The following NME8 variants were observed in gnomAD, a reference collection of about 807,000 sequenced individuals.
NME8 encodes NME/NM23 family member 8.
A neutral mutation model predicts 82.3 loss-of-function variants in NME8; 72 were observed. That is an observed-to-expected ratio of 0.87 (90% CI 0.72 to 1.06). The LOEUF (loss-of-function observed/expected upper bound fraction) is 1.06. Ranked by LOEUF, NME8 falls within the 50% of genes least tolerant of loss-of-function variation. NME8 has a pLI of 0.00. For missense variants in NME8, 712 were observed against 685.4 expected (o/e 1.04, Z -0.43); for synonymous variants, 267 against 228.5 (o/e 1.17, Z -1.52).
intron 14 of NME8, among the ~76,000 whole-genome samples, chr7:37,886,305 C>T (rs1195542794): frequency 6.6e-6 from 1 of 152,212 alleles, no homozygotes; most frequent in Non-Finnish European, 1.5e-5. Flanking sequence ...CCAGTAGGCA[C>T]ACTGGTCTAG....
chr7:37,861,924 T>G, intron 6 of NME8, 104 bp from the exon 7 acceptor site: 28 of 797,498 alleles, frequency 3.5e-5, no homozygotes, highest in Non-Finnish European at 5.7e-5. Flanking sequence ...TTCATGAGGA[T>G]GAGAGTAGGG....
At chr7:37,884,265 A>G (rs777094439) in intron 12 of NME8, 38 bp from the exon 13 acceptor site, 2 of 1,343,862 alleles carry the variant, frequency 1.5e-6, no homozygotes, top group Non-Finnish European at 2.1e-6. Context: ...CCAGTAATCT[A>G]CCAGTTTAAA....
At position 37,882,629 on chromosome 7, in the gene NME8, A is replaced by AAG. The variant is rs758352816; in HGVS notation, c.995-1672_995-1671dup. Among the ~76,000 whole-genome samples, 5 of 125,642 alleles carry AAG rather than the reference A, an allele frequency of 4.0e-5. 1 individual carries two copies. Among genetic ancestry groups the AAG allele is most frequent in the East Asian group, 4.4e-4 (2 of 4,590 alleles). 82.4% of individuals were successfully genotyped at this position (125,642 alleles called of 152,430 possible). A position where few individuals can be genotyped will look rare whatever the true frequency, so the allele number is the denominator to read the frequency against. ...AGAGAGAGAGAGAAAGAAAGAAAGA[A>AAG]AGAAAGAAAGAAAGAGAAAGAAAGA... On this transcript the variant is annotated intron_variant, in intron 12 of 17. Coordinates refer to ENST00000199447, the MANE Select transcript of NME8 (RefSeq NM_016616.5).
intron 7 of NME8, among the ~76,000 whole-genome samples, chr7:37,862,996 T>G (rs1214845342): frequency 6.6e-6 from 1 of 152,060 alleles, no homozygotes; most frequent in African/African-American, 2.4e-5. Flanking sequence ...GGCAGGTGCC[T>G]GTAATCCCAG....
chr7:37,864,709 A>G (rs1166320762), intron 9 of NME8, among the ~76,000 whole-genome samples: 3 of 152,194 alleles, frequency 2.0e-5, no homozygotes, highest in Non-Finnish European at 2.9e-5. Flanking sequence ...ATAAAGATGT[A>G]TCTGAGACTG....
intron 6 of NME8, among the ~76,000 whole-genome samples, chr7:37,857,904 A>G (rs1784536387): frequency 6.6e-6 from 1 of 152,324 alleles, no homozygotes; most frequent in East Asian, 1.9e-4. Context: ...CAACTTTAAT[A>G]ATCAGACAGA....
chr7:37,891,733 G>C (rs1785131941), intron 15 of NME8, among the ~76,000 whole-genome samples: 1 of 151,782 alleles, frequency 6.6e-6, no homozygotes, highest in African/African-American at 2.4e-5. Flanking sequence ...TATCACTAGA[G>C]ACAGAAACTA....
In NME8 at chr7:37,875,535, G is replaced by A. The variant is rs73691365; in HGVS notation, c.819-1297G>A. On this transcript the variant is annotated intron_variant, in intron 11 of 17. Transcript: ENST00000199447. ...ACCTAGATGAAGGGTGTAAATGGGAGTTCTTTGTCCTAGTCTTGCAACTTT... is the reference window on the plus strand; with the variant it reads ...ACCTAGATGAAGGGTGTAAATGGGAATTCTTTGTCCTAGTCTTGCAACTTT... 7.8e-3 allele frequency among the ~76,000 whole-genome samples: 1,184 copies of A among 151,728 alleles called. 14 individuals are homozygous for A. Among genetic ancestry groups the A allele is most frequent in the African/African-American group, 0.027 (1,118 of 41,356 alleles).
At chr7:37,877,513 T>C (rs1296888104) in intron 12 of NME8, among the ~76,000 whole-genome samples, 2 of 152,348 alleles carry the variant, frequency 1.3e-5, no homozygotes, top group African/African-American at 4.8e-5. Context: ...ACACTATTCA[T>C]TCTTTTTTTA....
chr7:37,870,911 C>A (rs1304014191), intron 11 of NME8, among the ~76,000 whole-genome samples: 1 of 152,178 alleles, frequency 6.6e-6, no homozygotes, highest in Non-Finnish European at 1.5e-5. Flanking sequence ...GGAGGGAGGG[C>A]CTGATAGGCA....
At chr7:37,863,363 G>T in intron 7 of NME8, 33 bp from the exon 8 acceptor site, 1 of 1,257,398 alleles carries the variant, frequency 8.0e-7, no homozygotes. Flanking sequence ...AAACATAACT[G>T]TGTTATCTTT....
At chr7:37,855,150 C>A (rs1469742543) in intron 5 of NME8, among the ~76,000 whole-genome samples, 2 of 152,052 alleles carry the variant, frequency 1.3e-5, no homozygotes, top group South Asian at 2.1e-4. Flanking sequence ...CATTTTGAGA[C>A]CTTTGATGTC....
chr7:37,862,925 G>T (rs1205882951), intron 7 of NME8, among the ~76,000 whole-genome samples: 2 of 152,078 alleles, frequency 1.3e-5, no homozygotes, highest in South Asian at 2.1e-4. Flanking sequence ...ATGGAGACCA[G>T]CCTGGCCAAC....
intron 5 of NME8, among the ~76,000 whole-genome samples, chr7:37,852,444 T>C (rs2131939107): frequency 6.6e-6 from 1 of 152,332 alleles, no homozygotes; most frequent in African/African-American, 2.4e-5. Flanking sequence ...GTACTTACTA[T>C]ATTATGGCAT....
At position 37,898,855 on chromosome 7, in the gene NME8, G is replaced by A. The variant is rs187658699; in HGVS notation, c.*16-1389G>A. ...TTTGTATACTCAAATGGTTGCAATGGCAAATTTAATACACACAACCCCTGA... is the reference window on the plus strand; with the variant it reads ...TTTGTATACTCAAATGGTTGCAATGACAAATTTAATACACACAACCCCTGA... On this transcript the variant is annotated intron_variant, in intron 17 of 17. Coordinates refer to ENST00000199447, the MANE Select transcript of NME8 (RefSeq NM_016616.5). Among the ~76,000 whole-genome samples, 107 of 152,158 alleles carry A rather than the reference G, an allele frequency of 7.0e-4. 1 individual carries two copies. The East Asian group carries it at 0.017, about 25-fold the overall frequency.
At chr7:37,861,496 C>T (rs1199879399) in intron 6 of NME8, among the ~76,000 whole-genome samples, 1 of 152,134 alleles carries the variant, frequency 6.6e-6, no homozygotes, top group Non-Finnish European at 1.5e-5. Flanking sequence ...CTCTTGGTAG[C>T]ACCTACTAAG....
At chr7:37,876,301 A>G (rs938581449) in intron 11 of NME8, among the ~76,000 whole-genome samples, 6 of 151,724 alleles carry the variant, frequency 4.0e-5, no homozygotes, top group Non-Finnish European at 8.8e-5. Flanking sequence ...CATATATACA[A>G]CCTTACACAT....
intron 12 of NME8, among the ~76,000 whole-genome samples, chr7:37,882,589 AAGAAAGAAAGAGAGAGAGAGAGAG>A (rs1391934170): frequency 3.3e-4 from 17 of 52,284 alleles, no homozygotes; most frequent in Non-Finnish European, 3.9e-4. Flanking sequence ...GAAAGAAAGA[AAGAAAGAAAGAGAGAGAGAGAGAG>A]AGAAAGAAAG....
intron 5 of NME8, among the ~76,000 whole-genome samples, chr7:37,856,054 T>C (rs1302889659): frequency 1.3e-5 from 2 of 152,186 alleles, no homozygotes; most frequent in Non-Finnish European, 1.5e-5. Flanking sequence ...TTTCTTGTAA[T>C]GTCATGATTT....
Sources: allele counts gnomAD v4.1 joint callset (sites outside exome capture counted in the v4.1 genomes callset), GRCh38; gene constraint gnomAD v4.1.1; transcripts MANE v1.5; gene names NCBI Gene and HGNC (gene_info 2026-07-23, HGNC 2026-07-21).